The following REEP1 variants were observed in gnomAD, a reference collection of about 807,000 sequenced individuals.
REEP1 encodes the protein receptor accessory protein 1, also known as receptor expression-enhancing protein 1.
Under a neutral mutation model 40.3 loss-of-function variants are expected in REEP1, and 22 were observed. That is an observed-to-expected ratio of 0.55 (90% confidence interval 0.39 to 0.78). The LOEUF (loss-of-function observed/expected upper bound fraction) is 0.78, where lower values mean the gene tolerates loss of function less well. Ranked by LOEUF, REEP1 falls within the 30% of genes least tolerant of loss-of-function variation. The pLI, the probability that REEP1 is intolerant of heterozygous loss-of-function variation, is 0.00. For synonymous variants in REEP1, 116 were observed against 139.2 expected, an observed-to-expected ratio of 0.83 and a Z score of 1.17; for missense variants, 280 against 361.1, an observed-to-expected ratio of 0.78 and a Z score of 1.82.
At chr2:86,321,423 C>T (rs925520280) in intron 1 of REEP1, among the ~76,000 whole-genome samples, 8 of 152,142 alleles carry the variant, frequency 5.3e-5, no homozygotes, top group African/African-American at 1.9e-4. Flanking sequence ...ATTACACACA[C>T]TATCTCAGAG....
intron 2 of REEP1, among the ~76,000 whole-genome samples, chr2:86,276,203 C>T (rs144974812): frequency 4.4e-4 from 67 of 152,330 alleles, no homozygotes; most frequent in African/African-American, 1.5e-3. Flanking sequence ...GACCATGTTG[C>T]CAGCAGCAAT....
intron 1 of REEP1, among the ~76,000 whole-genome samples, chr2:86,336,152 GTAT>G (rs1475176994): frequency 6.6e-6 from 1 of 152,176 alleles, no homozygotes; most frequent in Non-Finnish European, 1.5e-5. Flanking sequence ...CCACTTTCCT[GTAT>G]TATTCATGTC....
rs376665585 is a variant in REEP1, at chr2:86,227,855, A to T, written c.596-457T>A. ...GTACACGCCATTGGTCTTGGTGCACATCTGGGCCTTGGCAATAGAGTAGGT... is the reference window on the plus strand; with the variant it reads ...GTACACGCCATTGGTCTTGGTGCACTTCTGGGCCTTGGCAATAGAGTAGGT... On this transcript the variant is annotated intron_variant, in intron 6 of 8. Transcript: ENST00000538924. Among the ~76,000 whole-genome samples the T allele has an allele frequency of 7.6e-4, 45 of 59,446 alleles. No individual in the cohort carries two copies. In the South Asian group the frequency reaches 0.033, roughly 44 times the overall value. 39.0% of individuals were successfully genotyped at this position (59,446 alleles called of 152,430 possible).
intron 5 of REEP1, among the ~76,000 whole-genome samples, chr2:86,240,789 A>T (rs1285848626): frequency 3.9e-5 from 6 of 152,182 alleles, no homozygotes; most frequent in African/African-American, 1.4e-4. Flanking sequence ...AAGAACTTGC[A>T]CCCAGTATCT....
chr2:86,288,551 C>T (rs1404971902), intron 1 of REEP1, among the ~76,000 whole-genome samples: 1 of 152,106 alleles, frequency 6.6e-6, no homozygotes, highest in African/African-American at 2.4e-5. Flanking sequence ...TTATTTTTCC[C>T]CTTTACAAAC....
intron 5 of REEP1, among the ~76,000 whole-genome samples, chr2:86,249,684 G>A (rs1192772996): frequency 1.3e-5 from 2 of 151,978 alleles, no homozygotes; most frequent in African/African-American, 4.8e-5. Context: ...TGGACCCACT[G>A]GTGAGTCATC....
intron 2 of REEP1, among the ~76,000 whole-genome samples, chr2:86,277,353 C>G (rs1249079637): frequency 6.6e-6 from 1 of 151,972 alleles, no homozygotes; most frequent in African/African-American, 2.4e-5. Context: ...GTCAGGAGTT[C>G]AAGACCAGCC....
At chr2:86,259,118 T>C (rs1195792689) in intron 3 of REEP1, among the ~76,000 whole-genome samples, 1 of 151,996 alleles carries the variant, frequency 6.6e-6, no homozygotes, top group African/African-American at 2.4e-5. Flanking sequence ...CCATCCTGGC[T>C]AACATGGTGA....
chr2:86,246,866 T>C (rs1387483963), intron 5 of REEP1, among the ~76,000 whole-genome samples: 1 of 152,074 alleles, frequency 6.6e-6, no homozygotes, highest in East Asian at 1.9e-4. Context: ...CACGCCCGGC[T>C]AATTTTGTAT....
At chr2:86,303,693 T>A (rs1410815797) in intron 1 of REEP1, among the ~76,000 whole-genome samples, 2 of 152,110 alleles carry the variant, frequency 1.3e-5, no homozygotes, top group Admixed American at 6.5e-5. Context: ...CAGCAACTTC[T>A]AAGGGCAGGA....
intron 1 of REEP1, among the ~76,000 whole-genome samples, chr2:86,313,939 G>T (rs1679874412): frequency 6.6e-6 from 1 of 152,196 alleles, no homozygotes; most frequent in African/African-American, 2.4e-5. Context: ...TATTTAAGTA[G>T]ATTCAAATTT....
intron 6 of REEP1, among the ~76,000 whole-genome samples, chr2:86,231,257 C>A (rs1314060587): frequency 3.3e-5 from 5 of 152,330 alleles, no homozygotes; most frequent in African/African-American, 9.6e-5. Context: ...CGGGGGGTAA[C>A]CCCTCCCTGA....
At chr2:86,297,372 T>C (rs1379722498) in intron 1 of REEP1, among the ~76,000 whole-genome samples, 1 of 152,218 alleles carries the variant, frequency 6.6e-6, no homozygotes, top group Non-Finnish European at 1.5e-5. Flanking sequence ...AAATGTGGTG[T>C]CAAATGGGAT....
chr2:86,337,432 G>T lies in REEP1; in HGVS notation c.32+47C>A. ...GGGGCGCGCGCAGCCCGGGGCCGGG[G>T]GCGGGGAGGGAGGGGACGGAGGGGC... is the stretch of plus-strand genomic sequence containing the variant. On this transcript the variant is annotated intron_variant, in intron 1 of 8. Coordinates refer to ENST00000538924, the MANE Select transcript of REEP1 (RefSeq NM_001371279.1). This position sits in a 1 kb window ranked among gnomAD's most constrained non-coding sequence, Gnocchi z 5.8. 8.3e-7 allele frequency: 1 copy of T among 1,201,270 alleles called. No homozygotes were observed. The highest frequency in any genetic ancestry group is 1.0e-6 in the Non-Finnish European group (1 of 956,616). The allele number at this position is 1,201,270 out of a possible 1,614,324, so 74.4% of individuals were successfully genotyped here. A position where few individuals can be genotyped will look rare whatever the true frequency, so the allele number is the denominator to read the frequency against.
intron 1 of REEP1, among the ~76,000 whole-genome samples, chr2:86,312,437 A>C (rs1467028229): frequency 6.6e-5 from 10 of 152,178 alleles, no homozygotes; most frequent in Admixed American, 2.0e-4. Flanking sequence ...CTGCACTATA[A>C]ATGATCCATT....
intron 4 of REEP1, 71 bp downstream of exon 4, chr2:86,254,623 T>A (rs1676449078): frequency 6.6e-7 from 1 of 1,517,100 alleles, no homozygotes; most frequent in Non-Finnish European, 9.1e-7. Context: ...TGCAATAAGA[T>A]CATCCCTTTT....
intron 5 of REEP1, among the ~76,000 whole-genome samples, chr2:86,240,700 T>C (rs536211237): frequency 7.9e-5 from 12 of 151,924 alleles, no homozygotes; most frequent in Non-Finnish European, 1.6e-4. Flanking sequence ...CCACTGAAGG[T>C]TTTTGAGAGG....
intron 1 of REEP1, among the ~76,000 whole-genome samples, chr2:86,282,973 T>C (rs556730698): frequency 6.6e-6 from 1 of 152,246 alleles, no homozygotes; most frequent in East Asian, 1.9e-4. Flanking sequence ...AGAAAGCCTT[T>C]GCCTGTGCTG....
chr2:86,274,683 C>G (rs573504641), intron 2 of REEP1, among the ~76,000 whole-genome samples: 4 of 152,284 alleles, frequency 2.6e-5, no homozygotes, highest in African/African-American at 9.6e-5. Context: ...CTGGGTGGGC[C>G]TTCAGTCAGA....
Sources: gnomAD v4.1 joint callset for allele counts (sites outside exome capture counted in the v4.1 genomes callset) on GRCh38, gnomAD v4.1.1 for gene constraint, Gnocchi (gnomAD v3.1) non-coding constraint, MANE v1.5 for transcripts, NCBI Gene and HGNC (gene_info 2026-07-23, HGNC 2026-07-21) for gene names.